The following LPP variants were observed in gnomAD, a reference collection of about 807,000 sequenced individuals.
LPP encodes LIM domain containing preferred translocation partner in lipoma.
Under a neutral mutation model 60.4 loss-of-function variants are expected in LPP, and 38 were observed. The observed-to-expected ratio is 0.63, with a 90% CI of 0.49 to 0.83. The LOEUF (loss-of-function observed/expected upper bound fraction) is 0.83, where lower values mean the gene tolerates loss of function less well. LPP is among the 40% of genes least tolerant of loss of function. The pLI is 0.00. For synonymous variants in LPP, 328 were observed against 290.8 expected, an observed-to-expected ratio of 1.13 and a Z score of -1.30; for missense variants, 902 against 783.6, an observed-to-expected ratio of 1.15 and a Z score of -1.80.
At chr3:188,547,520 C>T (rs941128818) in intron 6 of LPP, among the ~76,000 whole-genome samples, 1 of 152,196 alleles carries the variant, frequency 6.6e-6, no homozygotes, top group African/African-American at 2.4e-5. Flanking sequence ...CTGTCTCTAA[C>T]AGGATCATGT....
At chr3:188,554,650 A>G (rs1210101515) in intron 6 of LPP, among the ~76,000 whole-genome samples, 7 of 152,168 alleles carry the variant, frequency 4.6e-5, no homozygotes, top group African/African-American at 1.4e-4. Context: ...ATCCAAATCT[A>G]TGGTGACATA....
At chr3:188,603,146 GC>G (rs2151251395) in intron 6 of LPP, among the ~76,000 whole-genome samples, 1 of 151,892 alleles carries the variant, frequency 6.6e-6, no homozygotes, top group East Asian at 1.9e-4. Flanking sequence ...GATAGCAGCT[GC>G]CTTTTTAACA....
intron 8 of LPP, among the ~76,000 whole-genome samples, chr3:188,733,843 A>T (rs1046081665): frequency 1.3e-5 from 2 of 152,150 alleles, no homozygotes; most frequent in Non-Finnish European, 2.9e-5. Context: ...AAAATTATGC[A>T]TTTTGTCAAG....
chr3:188,294,195 G>T (rs1260892565), intron 2 of LPP, among the ~76,000 whole-genome samples: 1 of 152,118 alleles, frequency 6.6e-6, no homozygotes, highest in Non-Finnish European at 1.5e-5. Context: ...GCAGGGTTGG[G>T]GTAGAGGATA....
intron 4 of LPP, among the ~76,000 whole-genome samples, chr3:188,453,513 C>T (rs146742429): frequency 6.8e-4 from 104 of 152,110 alleles, no homozygotes; most frequent in South Asian, 2.5e-3. Context: ...CTCCTTCCGA[C>T]GGGATCTGCT....
chr3:188,839,351 G>A (rs928599688), intron 9 of LPP, among the ~76,000 whole-genome samples: 3 of 152,202 alleles, frequency 2.0e-5, no homozygotes, highest in Admixed American at 1.3e-4. Context: ...AAGGCCCACA[G>A]CTCCATTATG....
At chr3:188,296,444 G>C (rs1351797369) in intron 2 of LPP, among the ~76,000 whole-genome samples, 1 of 152,212 alleles carries the variant, frequency 6.6e-6, no homozygotes, top group East Asian at 1.9e-4. Context: ...AGCAAAAGCA[G>C]AGGCAGGGAT....
intron 3 of LPP, among the ~76,000 whole-genome samples, chr3:188,390,974 T>C (rs1779558753): frequency 6.6e-6 from 1 of 152,194 alleles, no homozygotes; most frequent in South Asian, 2.1e-4. Flanking sequence ...GGGTCACAGA[T>C]TCCTATTCCC....
At chr3:188,578,295 AGG>A (rs1835238558) in intron 6 of LPP, among the ~76,000 whole-genome samples, 1 of 151,140 alleles carries the variant, frequency 6.6e-6, no homozygotes, top group Non-Finnish European at 1.5e-5. Flanking sequence ...TTTTCTTTTA[AGG>A]TTCATAAAAT....
chr3:188,240,200 T>C (rs1723544096), intron 2 of LPP: 4 of 180,110 alleles, frequency 2.2e-5, no homozygotes, highest in East Asian at 9.2e-5. Context: ...TGTGTTTCAT[T>C]TTCCTTTCAT....
intron 7 of LPP, among the ~76,000 whole-genome samples, chr3:188,656,424 G>GTT (rs1223906960): frequency 6.6e-6 from 1 of 152,124 alleles, no homozygotes; most frequent in Non-Finnish European, 1.5e-5. Flanking sequence ...ATCGCAAACT[G>GTT]TTTGAGATCC....
chr3:188,506,634 A>C (rs1206764728), intron 5 of LPP, among the ~76,000 whole-genome samples: 1 of 152,194 alleles, frequency 6.6e-6, no homozygotes, highest in African/African-American at 2.4e-5. Context: ...TGAACTGTTC[A>C]TGGTGACACA....
intron 4 of LPP, among the ~76,000 whole-genome samples, chr3:188,425,803 A>G (rs867650304): frequency 2.0e-4 from 30 of 152,006 alleles, no homozygotes; most frequent in African/African-American, 7.0e-4. Flanking sequence ...TATCCCCTTT[A>G]TCATTTTTTA....
At chr3:188,820,317 T>A (rs1258433109) in intron 9 of LPP, among the ~76,000 whole-genome samples, 1 of 151,930 alleles carries the variant, frequency 6.6e-6, no homozygotes, top group Non-Finnish European at 1.5e-5. Context: ...GTGTGTTCAA[T>A]TGAGTCAAGA....
intron 9 of LPP, among the ~76,000 whole-genome samples, chr3:188,863,018 C>T (rs1765652077): frequency 6.6e-6 from 1 of 152,120 alleles, no homozygotes; most frequent in Non-Finnish European, 1.5e-5. Flanking sequence ...ACAATTTTAC[C>T]ATTAGCAATT....
At chr3:188,471,120 G>C (rs1472768740) in intron 4 of LPP, among the ~76,000 whole-genome samples, 1 of 152,080 alleles carries the variant, frequency 6.6e-6, no homozygotes, top group Non-Finnish European at 1.5e-5. Context: ...AAAATCAATT[G>C]ACCATATATT....
intron 2 of LPP, among the ~76,000 whole-genome samples, chr3:188,249,338 C>T (rs899210393): frequency 3.3e-5 from 5 of 151,716 alleles, no homozygotes; most frequent in Admixed American, 6.6e-5. Context: ...TCAAGGCTGC[C>T]GTGAGCTGAG....
At position 188,452,763 on chromosome 3, in the gene LPP, A is replaced by G. The variant is rs147525701; in HGVS notation, c.194-31829A>G. On this transcript the variant is annotated intron_variant, in intron 4 of 11. Coordinates refer to ENST00000617246, the MANE Select transcript of LPP (RefSeq NM_001375462.1). Reference sequence around the variant, plus strand: ...CCATCTCATATAAAGCAAGTAGTTCACATCCTGGGACTGAGACTACAACCT... The same window carrying G: ...CCATCTCATATAAAGCAAGTAGTTCGCATCCTGGGACTGAGACTACAACCT... 1.2e-4 allele frequency among the ~76,000 whole-genome samples: 18 copies of G among 152,344 alleles called. No homozygotes were observed. The East Asian group carries it at 3.5e-3, about 29-fold the overall frequency.
chr3:188,505,398 A>G (rs999219897), intron 5 of LPP, among the ~76,000 whole-genome samples: 2 of 151,944 alleles, frequency 1.3e-5, no homozygotes, highest in African/African-American at 4.8e-5. Context: ...CAGAGTTCTC[A>G]CTTTGACCTT....
Sources: allele counts gnomAD v4.1 joint callset (sites outside exome capture counted in the v4.1 genomes callset), GRCh38; gene constraint gnomAD v4.1.1; transcripts MANE v1.5; gene names NCBI Gene and HGNC (gene_info 2026-07-23, HGNC 2026-07-21).